PLAAT1: variants seen among roughly 807,000 people sequenced by gnomAD.
PLAAT1 encodes phospholipase A and acyltransferase 1.
A neutral mutation model predicts 16.4 loss-of-function variants in PLAAT1; 13 were observed. The ratio of observed to expected loss-of-function variants is 0.79; its 90% CI spans 0.52 to 1.26. PLAAT1 has a LOEUF of 1.26. Ranked by LOEUF, PLAAT1 falls within the 50% of genes most tolerant of loss-of-function variation. The pLI is 0.00. For missense variants in PLAAT1, 218 were observed against 207.8 expected, an observed-to-expected ratio of 1.05 and a Z score of -0.30; for synonymous variants, 73 against 78.4, an observed-to-expected ratio of 0.93 and a Z score of 0.36.
chr3:193,241,369 G>T lies in PLAAT1; in HGVS notation c.-165G>T, dbSNP rs953259589. ...GTGCTGGCGTTGGCCCTGGAGGACG[G>T]CCCCGAGTGATGGCTGGCGCCTGCC... On this transcript the variant is annotated 5_prime_UTR_variant, in exon 1 of 4. Transcript: ENST00000264735. 77 of 1,231,534 alleles carry T rather than the reference G, an allele frequency of 6.3e-5. No homozygotes were observed. The highest frequency in any genetic ancestry group is 7.6e-5 in the Non-Finnish European group (75 of 987,938). The allele number at this position is 1,231,534 out of a possible 1,614,324, so 76.3% of individuals were successfully genotyped here.
chr3:193,261,030 A>G (rs189197652), intron 2 of PLAAT1, among the ~76,000 whole-genome samples: 13 of 152,292 alleles, frequency 8.5e-5, no homozygotes, highest in Admixed American at 3.9e-4. Flanking sequence ...GTTTTTCTGT[A>G]TTTTATAAAT....
chr3:193,254,753 T>C (rs1052902629), intron 1 of PLAAT1, among the ~76,000 whole-genome samples: 9 of 152,170 alleles, frequency 5.9e-5, no homozygotes, highest in Non-Finnish European at 8.8e-5. Flanking sequence ...GTGAGGAATC[T>C]GACAATAAAT....
At chr3:193,274,572 C>G (rs1717098952), downstream of PLAAT1, among the ~76,000 whole-genome samples, 1 of 152,144 alleles carries the variant, frequency 6.6e-6, no homozygotes, top group Non-Finnish European at 1.5e-5. Context: ...CCTTGTTTCT[C>G]TATGAAAAGC....
intron 1 of PLAAT1, among the ~76,000 whole-genome samples, chr3:193,254,017 G>A (rs1716289415): frequency 6.6e-6 from 1 of 152,124 alleles, no homozygotes; most frequent in South Asian, 2.1e-4. Context: ...CATGGGAAAT[G>A]TGTTTGTTTA....
downstream of PLAAT1, chr3:193,281,331 G>A (rs1034276719): frequency 5.9e-6 from 2 of 336,626 alleles, no homozygotes; most frequent in African/African-American, 2.2e-5. Context: ...ACTAGGTCTC[G>A]CCTGTGCACA....
intron 3 of PLAAT1, among the ~76,000 whole-genome samples, chr3:193,267,733 C>A (rs1234700132): frequency 6.6e-6 from 1 of 152,182 alleles, no homozygotes; most frequent in Non-Finnish European, 1.5e-5. Flanking sequence ...TACCAAGGAG[C>A]ATGATTGCTA....
At chr3:193,243,186 G>T (rs1180082852) in intron 1 of PLAAT1, among the ~76,000 whole-genome samples, 1 of 152,078 alleles carries the variant, frequency 6.6e-6, no homozygotes, top group Non-Finnish European at 1.5e-5. Flanking sequence ...TTTGCAGATG[G>T]ACTCAAAATG....
At chr3:193,253,528 C>A (rs1333830247) in intron 1 of PLAAT1, among the ~76,000 whole-genome samples, 1 of 152,092 alleles carries the variant, frequency 6.6e-6, no homozygotes, top group Non-Finnish European at 1.5e-5. Context: ...CAAAGGGTTA[C>A]TTGCGACAGC....
rs191969208 is a variant in PLAAT1, at chr3:193,247,980, T to G, written c.-1+6447T>G. Among the ~76,000 whole-genome samples, 8 of 152,326 alleles carry G rather than the reference T, an allele frequency of 5.3e-5. No individual in the cohort carries two copies. In the South Asian group the frequency reaches 8.3e-4, roughly 16 times the overall value. Reference sequence around the variant, plus strand: ...AGTATAGTTCAAGTTCAATATTTCCTTGTTGATTTTTGGTCTAGATCTGTC... The same window carrying G: ...AGTATAGTTCAAGTTCAATATTTCCGTGTTGATTTTTGGTCTAGATCTGTC... On this transcript the variant is annotated intron_variant, in intron 1 of 3. Coordinates refer to ENST00000264735, the MANE Select transcript of PLAAT1 (RefSeq NM_020386.5).
intron 2 of PLAAT1, among the ~76,000 whole-genome samples, chr3:193,261,091 A>G (rs1716567786): frequency 6.6e-6 from 1 of 152,236 alleles, no homozygotes; most frequent in African/African-American, 2.4e-5. Context: ...TATGCAGACC[A>G]GGCGTGCTGG....
intron 1 of PLAAT1, among the ~76,000 whole-genome samples, chr3:193,253,773 C>T (rs1716280090): frequency 6.6e-6 from 1 of 152,034 alleles, no homozygotes. Flanking sequence ...TGGGTATTTT[C>T]CAAAAGTTGA....
intron 1 of PLAAT1, among the ~76,000 whole-genome samples, chr3:193,252,400 A>G (rs1175357284): frequency 3.3e-5 from 5 of 152,102 alleles, no homozygotes; most frequent in African/African-American, 1.2e-4. Flanking sequence ...TTCTAATTGT[A>G]TTGTTTGCTT....
At chr3:193,275,351 G>C, downstream of PLAAT1, 1 of 1,593,234 alleles carries the variant, frequency 6.3e-7, no homozygotes, top group Non-Finnish European at 8.5e-7. Context: ...AGGTCCCCCT[G>C]CAGCCAGGCC....
chr3:193,254,388 A>T (rs1282265789), intron 1 of PLAAT1, among the ~76,000 whole-genome samples: 2 of 152,122 alleles, frequency 1.3e-5, no homozygotes, highest in African/African-American at 4.8e-5. Context: ...TGGCATGTGG[A>T]TTTGTTTCAT....
At chr3:193,274,772 C>G (rs1170561364), downstream of PLAAT1, 3 of 491,322 alleles carry the variant, frequency 6.1e-6, no homozygotes, top group African/African-American at 3.8e-5. Flanking sequence ...GACAGCTGCT[C>G]ATTTTAAACA....
At chr3:193,256,995 G>C (rs975382154) in intron 2 of PLAAT1, among the ~76,000 whole-genome samples, 2 of 152,196 alleles carry the variant, frequency 1.3e-5, no homozygotes, top group African/African-American at 4.8e-5. Context: ...CCTCAGAGAT[G>C]CCTATATTTA....
intron 3 of PLAAT1, among the ~76,000 whole-genome samples, chr3:193,266,373 G>T (rs1038758708): frequency 6.6e-6 from 1 of 152,160 alleles, no homozygotes; most frequent in Non-Finnish European, 1.5e-5. Flanking sequence ...TAAATAAAAA[G>T]AGATTAGAGC....
At chr3:193,268,142 T>G (rs181341222) in intron 3 of PLAAT1, among the ~76,000 whole-genome samples, 2 of 152,230 alleles carry the variant, frequency 1.3e-5, no homozygotes, top group Non-Finnish European at 2.9e-5. Context: ...TTATCTTTTA[T>G]GTATTTTTCA....
Position 193,247,441 on chromosome 3 carries a change from T to C in PLAAT1, c.-1+5908T>C, listed in dbSNP as rs1050282419. The stretch of plus-strand genomic sequence containing the variant: ...CATCAGGTTATATATAAAGCCCTTG[T>C]ATTCAGCTCTGAGGGGGCAATGACT... On this transcript the variant is annotated intron_variant, in intron 1 of 3. Coordinates refer to ENST00000264735, the MANE Select transcript of PLAAT1 (RefSeq NM_020386.5). 5.9e-5 allele frequency among the ~76,000 whole-genome samples: 9 copies of C among 152,320 alleles called. No homozygotes were observed. In the East Asian group the frequency reaches 1.4e-3, roughly 23 times the overall value.
Sources: gnomAD v4.1 joint callset for allele counts (sites outside exome capture counted in the v4.1 genomes callset) on GRCh38, gnomAD v4.1.1 for gene constraint, MANE v1.5 for transcripts, NCBI Gene and HGNC (gene_info 2026-07-23, HGNC 2026-07-21) for gene names.